The following WDPCP variants were observed in gnomAD, a reference collection of about 807,000 sequenced individuals.
The protein encoded by WDPCP is WD repeat containing planar cell polarity effector.
A neutral mutation model predicts 93.1 loss-of-function variants in WDPCP; 71 were observed. That is an observed-to-expected ratio of 0.76 (90% CI 0.63 to 0.93). WDPCP has a LOEUF of 0.93. WDPCP is among the 40% of genes least tolerant of loss of function. WDPCP has a pLI of 0.00. For synonymous variants in WDPCP, 315 were observed against 315.0 expected, an observed-to-expected ratio of 1.00 and a Z score of 0.00; for missense variants, 844 against 887.4, an observed-to-expected ratio of 0.95 and a Z score of 0.62.
At chr2:63,301,391 T>C (rs1685321021) in intron 13 of WDPCP, among the ~76,000 whole-genome samples, 1 of 152,200 alleles carries the variant, frequency 6.6e-6, no homozygotes, top group Admixed American at 6.5e-5. Flanking sequence ...AGTTCAGAAG[T>C]TAGCCTGAAC....
At chr2:63,165,980 G>A (rs911259647) in intron 15 of WDPCP, among the ~76,000 whole-genome samples, 8 of 151,534 alleles carry the variant, frequency 5.3e-5, no homozygotes, top group African/African-American at 1.9e-4. Context: ...GTAATCTATG[G>A]CTTATGGACT....
At chr2:63,448,784 CT>C (rs1698035719) in intron 6 of WDPCP, among the ~76,000 whole-genome samples, 1 of 152,104 alleles carries the variant, frequency 6.6e-6, no homozygotes, top group Admixed American at 6.6e-5. Context: ...ACTGCATGAT[CT>C]CACTTACATG....
the WDPCP span, among the ~76,000 whole-genome samples, chr2:63,835,389 C>CAAAAAAAAAAAA: frequency 2.4e-5 from 1 of 42,352 alleles, no homozygotes; most frequent in Non-Finnish European, 4.9e-5. Context: ...GACTCCATCT[C>CAAAAAAAAAAAA]AAAAAAAAAA....
rs142905361 is a variant in WDPCP, at chr2:63,815,829, G to A, written n.223-2122C>T. On this transcript the variant is annotated intron_variant and non_coding_transcript_variant, in intron 1 of 4. Transcript: ENST00000467687. ...TAGCTGCAAGTACTAATAAAGTATC[G>A]TAACAAAACAAAAGACACAATGGAG... is the stretch of plus-strand genomic sequence containing the variant. Among the ~76,000 whole-genome samples the A allele has an allele frequency of 2.2e-4, 33 of 152,130 alleles. 1 individual carries two copies. The highest frequency in any genetic ancestry group is 3.2e-4 in the Non-Finnish European group (22 of 67,998).
chr2:63,271,543 A>T (rs1399479666), intron 13 of WDPCP, among the ~76,000 whole-genome samples: 1 of 152,168 alleles, frequency 6.6e-6, no homozygotes, highest in African/African-American at 2.4e-5. Context: ...GGTCCTTGGG[A>T]CTGACTCATC....
At chr2:63,442,680 G>C (rs1031611056) in intron 6 of WDPCP, 1 of 152,106 alleles carries the variant, frequency 6.6e-6, no homozygotes, top group Non-Finnish European at 1.5e-5. Flanking sequence ...GATTTCACAA[G>C]GATATTATCT....
At chr2:63,837,682 G>C in the WDPCP span, among the ~76,000 whole-genome samples, 5 of 152,186 alleles carry the variant, frequency 3.3e-5, no homozygotes, top group Non-Finnish European at 5.9e-5. Context: ...TTATTGTAAA[G>C]TCATCAGGGC....
chr2:63,337,824 T>G (rs901660151), intron 12 of WDPCP, among the ~76,000 whole-genome samples: 2 of 152,220 alleles, frequency 1.3e-5, no homozygotes, highest in African/African-American at 2.4e-5. Flanking sequence ...TATTCAGATC[T>G]TTTGCCCATT....
chr2:63,611,166 C>T (rs1022319212), intron 3 of WDPCP, among the ~76,000 whole-genome samples: 1 of 152,192 alleles, frequency 6.6e-6, no homozygotes, highest in Non-Finnish European at 1.5e-5. Context: ...TTATGTAGTA[C>T]TCTGTTGAAT....
At chr2:63,334,794 G>A (rs1022697115) in intron 12 of WDPCP, among the ~76,000 whole-genome samples, 1 of 151,078 alleles carries the variant, frequency 6.6e-6, no homozygotes, top group South Asian at 2.1e-4. Context: ...TGAGTCACAC[G>A]AACCTGCCTC....
At chr2:63,142,878 A>G (rs980239377) in intron 17 of WDPCP, among the ~76,000 whole-genome samples, 38 of 151,094 alleles carry the variant, frequency 2.5e-4, no homozygotes, top group Non-Finnish European at 1.2e-4. Flanking sequence ...ACATACATAT[A>G]TACACATACA....
At chr2:63,122,120 A>G in intron 17 of WDPCP, 64 bp from the exon 18 acceptor site, 1 of 1,318,218 alleles carries the variant, frequency 7.6e-7, no homozygotes, top group African/African-American at 1.5e-5. Flanking sequence ...TAACATTTGT[A>G]TCTTTATTAT....
chr2:63,333,403 T>TTTCC (rs1688121810), intron 12 of WDPCP, among the ~76,000 whole-genome samples: 1 of 152,222 alleles, frequency 6.6e-6, no homozygotes, highest in South Asian at 2.1e-4. Flanking sequence ...TCCCCTTTGT[T>TTTCC]TTCCTTCCTT....
chr2:63,757,870 T>G (rs996610582), intron 2 of WDPCP, among the ~76,000 whole-genome samples: 29 of 152,288 alleles, frequency 1.9e-4, no homozygotes, highest in African/African-American at 6.7e-4. Context: ...AGTCACTAAG[T>G]TGAACAGAGA....
intron 1 of WDPCP, among the ~76,000 whole-genome samples, chr2:63,532,945 G>A (rs1703976371): frequency 6.6e-6 from 1 of 152,150 alleles, no homozygotes; most frequent in South Asian, 2.1e-4. Flanking sequence ...ACCCACCAGT[G>A]TGCTGTATTC....
rs530528237 is a variant in WDPCP, at chr2:63,522,081, T to C, written c.76-29141A>G. 9.9e-5 allele frequency among the ~76,000 whole-genome samples: 15 copies of C among 152,204 alleles called. No individual in the cohort carries two copies. In the South Asian group the frequency reaches 3.1e-3, roughly 32 times the overall value. ...TAAGTTTTGGGATACATGTATAGAA[T>C]GTGCATGCTTGTTACATAGGTATAC... On this transcript the variant is annotated intron_variant, in intron 1 of 17. Coordinates refer to ENST00000272321, the MANE Select transcript of WDPCP (RefSeq NM_015910.7).
intron 2 of WDPCP, among the ~76,000 whole-genome samples, chr2:63,783,576 G>A (rs918908938): frequency 4.6e-5 from 7 of 152,038 alleles, no homozygotes; most frequent in African/African-American, 1.4e-4. Flanking sequence ...ATACACAATG[G>A]AATACTATTC....
chr2:63,481,977 C>CA (rs991866380), intron 6 of WDPCP, among the ~76,000 whole-genome samples: 39 of 148,822 alleles, frequency 2.6e-4, no homozygotes, highest in East Asian at 2.0e-4. Context: ...TACTATCCTC[C>CA]AAAAAAAAAG....
chr2:63,146,404 G>A (rs572285425), intron 17 of WDPCP, among the ~76,000 whole-genome samples: 5 of 130,856 alleles, frequency 3.8e-5, no homozygotes, highest in Admixed American at 1.8e-4. Flanking sequence ...TATTGAGAGC[G>A]TGTTTTTTTT....
Sources: allele counts gnomAD v4.1 joint callset (sites outside exome capture counted in the v4.1 genomes callset), GRCh38; gene constraint gnomAD v4.1.1; transcripts MANE v1.5; gene names NCBI Gene and HGNC (gene_info 2026-07-23, HGNC 2026-07-21).